The following KHDRBS2 variants were observed in gnomAD, a reference collection of about 807,000 sequenced individuals.
The protein encoded by KHDRBS2 is KH domain-containing, RNA-binding, signal transduction-associated protein 2.
In KHDRBS2, 26 loss-of-function variants were observed where a neutral mutation model predicts 44.3. The ratio of observed to expected loss-of-function variants is 0.59; its 90% CI spans 0.43 to 0.81. The LOEUF (loss-of-function observed/expected upper bound fraction) is 0.81. Among genes scored for constraint, KHDRBS2 ranks in the 40% least tolerant of loss-of-function variants. The pLI, the probability that KHDRBS2 is intolerant of heterozygous loss-of-function variation, is 0.00. For missense variants in KHDRBS2, 476 were observed against 433.1 expected, an observed-to-expected ratio of 1.10 and a Z score of -0.88; for synonymous variants, 194 against 151.1, an observed-to-expected ratio of 1.28 and a Z score of -2.08.
intron 3 of KHDRBS2, among the ~76,000 whole-genome samples, chr6:61,993,551 C>CT (rs1776541838): frequency 6.6e-6 from 1 of 150,466 alleles, no homozygotes; most frequent in Non-Finnish European, 1.5e-5. Context: ...GCCAGCTTGC[C>CT]TACAGCTATG....
chr6:61,822,597 G>C (rs1790108996), intron 6 of KHDRBS2, among the ~76,000 whole-genome samples: 1 of 151,794 alleles, frequency 6.6e-6, no homozygotes, highest in African/African-American at 2.4e-5. Context: ...ATGATTCTTA[G>C]GATGAAGTCT....
chr6:61,726,795 T>A (rs1773644451), intron 7 of KHDRBS2, among the ~76,000 whole-genome samples: 1 of 152,128 alleles, frequency 6.6e-6, no homozygotes, highest in Non-Finnish European at 1.5e-5. Context: ...TGGAAAAACA[T>A]TCCATGCTTA....
chr6:61,550,586 G>A, the KHDRBS2 span, among the ~76,000 whole-genome samples: 2 of 151,990 alleles, frequency 1.3e-5, no homozygotes, highest in East Asian at 3.9e-4. Flanking sequence ...GGATTGCTGG[G>A]TCAAATGGTA....
chr6:61,674,797 C>T, the KHDRBS2 span, among the ~76,000 whole-genome samples: 29,667 of 151,610 alleles, frequency 0.2, 3,080 homozygotes, highest in African/African-American at 0.24. Flanking sequence ...TTACTGATCA[C>T]TTTTCTCTCT....
chr6:61,565,267 T>C, the KHDRBS2 span, among the ~76,000 whole-genome samples: 4 of 152,062 alleles, frequency 2.6e-5, no homozygotes, highest in African/African-American at 9.7e-5. Context: ...AAATGATTTC[T>C]TGAGTAAGAC....
the KHDRBS2 span, among the ~76,000 whole-genome samples, chr6:61,597,384 C>A: frequency 3.3e-5 from 5 of 152,002 alleles, no homozygotes; most frequent in African/African-American, 1.2e-4. Context: ...TAAAGCTAAA[C>A]CAACTCCTGA....
the KHDRBS2 span, among the ~76,000 whole-genome samples, chr6:61,568,735 G>A: frequency 1.3e-5 from 2 of 152,196 alleles, no homozygotes; most frequent in Admixed American, 6.5e-5. Context: ...AGAAGCAGCA[G>A]TGGAAAGTGC....
chr6:61,907,623 A>G (rs960714127), intron 4 of KHDRBS2, among the ~76,000 whole-genome samples: 1 of 152,230 alleles, frequency 6.6e-6, no homozygotes, highest in East Asian at 1.9e-4. Context: ...TCTTCCTTAT[A>G]TGGTTATCCA....
chr6:61,573,794 A>G, the KHDRBS2 span, among the ~76,000 whole-genome samples: 1 of 7,364 alleles, frequency 1.4e-4, no homozygotes, highest in Non-Finnish European at 2.7e-4. Context: ...TGTCTCAGGA[A>G]AAAAAAAAAA....
intron 5 of KHDRBS2, among the ~76,000 whole-genome samples, chr6:61,900,750 T>C (rs1803826745): frequency 6.6e-6 from 1 of 152,176 alleles, no homozygotes; most frequent in Non-Finnish European, 1.5e-5. Flanking sequence ...TCTACTTCCT[T>C]ATCTGGGAAG....
rs187513697 is a variant in KHDRBS2 at position 61,787,030 on chromosome 6, T to G, written c.811-54266A>C. Among the ~76,000 whole-genome samples the G allele has an allele frequency of 3.1e-3, 461 of 148,630 alleles. 6 individuals carry two copies. The highest frequency in any genetic ancestry group is 0.027 in the Admixed American group (400 of 14,778). On this transcript the variant is annotated intron_variant, in intron 6 of 8. Transcript: ENST00000281156. The stretch of plus-strand genomic sequence containing the variant: ...GTATATTTTATATTTTATAATGTAG[T>G]TTATAATATTATATAATTATATATA...
chr6:62,182,225 A>G (rs912512277), intron 1 of KHDRBS2, among the ~76,000 whole-genome samples: 1 of 152,026 alleles, frequency 6.6e-6, no homozygotes, highest in African/African-American at 2.4e-5. Context: ...TAACAGACTA[A>G]GAGACCATAA....
At chr6:61,585,825 C>T in the KHDRBS2 span, among the ~76,000 whole-genome samples, 3 of 152,272 alleles carry the variant, frequency 2.0e-5, no homozygotes, top group East Asian at 5.8e-4. Flanking sequence ...TGGTATAATT[C>T]AATTTCTCTG....
chr6:62,108,451 G>C (rs1357785700), intron 2 of KHDRBS2, among the ~76,000 whole-genome samples: 7 of 152,056 alleles, frequency 4.6e-5, no homozygotes, highest in Non-Finnish European at 1.0e-4. Context: ...GAAACAACAG[G>C]TGCTGGAGAG....
Position 61,894,690 on chromosome 6 carries a change from G to A in KHDRBS2, c.755C>T (p.Thr252Ile), listed in dbSNP as rs1448012911. 12 of 1,613,564 alleles carry A rather than the reference G, an allele frequency of 7.4e-6. No homozygotes were observed. Among genetic ancestry groups the A allele is most frequent in the Non-Finnish European group, 9.3e-6 (11 of 1,179,800 alleles). Reference protein sequence around the residue: ...VPTPRARGAPTVPGYRAPPPP... With the variant: ...VPTPRARGAPIVPGYRAPPPP... ...AGGAGGTGCCCTGTATCCTGGCACTGTTGGTGCCCCCCGGGCTCGAGGGGT... is the reference window on the plus strand; with the variant it reads ...AGGAGGTGCCCTGTATCCTGGCACTATTGGTGCCCCCCGGGCTCGAGGGGT... Residue 252 changes from threonine (T) to isoleucine (I), a missense_variant, in exon 6 of 9, where the codon ACA becomes ATA. Physicochemically the swap from Thr to Ile is moderately conservative, Grantham distance 89 (BLOSUM62 -1). Coordinates refer to ENST00000281156, the MANE Select transcript of KHDRBS2 (RefSeq NM_152688.4).
chr6:61,640,652 G>T, the KHDRBS2 span, among the ~76,000 whole-genome samples: 3 of 152,066 alleles, frequency 2.0e-5, no homozygotes, highest in South Asian at 2.1e-4. Flanking sequence ...GACCCAAAAG[G>T]ATTTACTCTC....
intron 2 of KHDRBS2, among the ~76,000 whole-genome samples, chr6:62,146,067 G>A (rs1813867663): frequency 6.6e-6 from 1 of 151,700 alleles, no homozygotes; most frequent in South Asian, 2.1e-4. Flanking sequence ...ATAAAATAGT[G>A]AGACCACTGT....
chr6:62,149,201 T>TA (rs1327406955), intron 2 of KHDRBS2, among the ~76,000 whole-genome samples: 1 of 152,002 alleles, frequency 6.6e-6, no homozygotes, highest in Non-Finnish European at 1.5e-5. Context: ...CCTCCTCCCT[T>TA]AAAAAATACC....
At position 61,901,360 on chromosome 6, in the gene KHDRBS2, A is replaced by G; in HGVS notation, c.495T>C (p.Asp165=). Reference sequence around the variant, plus strand: ...CACGTAGTTGTTCCTGACGAATTTCATCATTGTAGTCCTGGAGAAAAAACA... The same window carrying G: ...CACGTAGTTGTTCCTGACGAATTTCGTCATTGTAGTCCTGGAGAAAAAACA... ...IKKFLVPDYN[D]EIRQEQLREL... The change falls in exon 5 of 9, where the codon GAT becomes GAC. Residue 165 remains aspartate, a synonymous_variant. Coordinates refer to ENST00000281156, the MANE Select transcript of KHDRBS2 (RefSeq NM_152688.4). 7 of 1,612,922 alleles carry G rather than the reference A, an allele frequency of 4.3e-6. No homozygotes were observed. The highest frequency in any genetic ancestry group is 1.7e-5 in the Admixed American group (1 of 59,978).
Sources: allele counts gnomAD v4.1 joint callset (sites outside exome capture counted in the v4.1 genomes callset), GRCh38; gene constraint gnomAD v4.1.1; transcripts MANE v1.5; gene names NCBI Gene and HGNC (gene_info 2026-07-23, HGNC 2026-07-21).